SIPA1L1: variants seen among roughly 807,000 people sequenced by gnomAD.
SIPA1L1 encodes the protein signal induced proliferation associated 1 like 1, also known as signal-induced proliferation-associated 1-like protein 1.
In SIPA1L1, 26 loss-of-function variants were observed where a neutral mutation model predicts 162.7. The ratio of observed to expected loss-of-function variants is 0.16; its 90% confidence interval spans 0.12 to 0.22. The LOEUF is 0.22. SIPA1L1 is among the 10% of genes least tolerant of loss of function. The pLI is 1.00. For missense variants in SIPA1L1, 1,874 were observed against 2,241.0 expected (o/e 0.84, Z 3.31); for synonymous variants, 829 against 837.4 (o/e 0.99, Z 0.17).
At chr14:71,536,139 G>T (rs1290182220) in intron 4 of SIPA1L1, among the ~76,000 whole-genome samples, 1 of 146,870 alleles carries the variant, frequency 6.8e-6, no homozygotes, top group Non-Finnish European at 1.5e-5. Context: ...AAAAAAAAAA[G>T]AGTCTGGCTT....
Position 71,459,948 on chromosome 14 carries a change from G to A in SIPA1L1, c.-464-52795G>A, listed in dbSNP as rs139108185. The stretch of plus-strand genomic sequence containing the variant: ...AAGACAATAATAAGGTCATAATTAC[G>A]CCTAACATAATACAACTGTCTTTTG... On this transcript the variant is annotated intron_variant, in intron 2 of 23. Transcript: ENST00000381232. 4.6e-3 allele frequency among the ~76,000 whole-genome samples: 699 copies of A among 152,138 alleles called. 18 individuals carry two copies. The East Asian group carries it at 0.071, about 16-fold the overall frequency.
At chr14:71,715,540 A>G (rs2083204787) in intron 17 of SIPA1L1, among the ~76,000 whole-genome samples, 1 of 152,266 alleles carries the variant, frequency 6.6e-6, no homozygotes. Flanking sequence ...TGTCATACAC[A>G]TTAGCATAGC....
intron 2 of SIPA1L1, among the ~76,000 whole-genome samples, chr14:71,387,248 C>CAAAAAAAAAAA (rs398025583): frequency 3.7e-5 from 2 of 53,862 alleles, no homozygotes; most frequent in African/African-American, 9.1e-5. Flanking sequence ...AACTCTGTCT[C>CAAAAAAAAAAA]AAAAAAAAAA....
intron 13 of SIPA1L1, among the ~76,000 whole-genome samples, chr14:71,688,373 C>T (rs933331252): frequency 6.6e-6 from 1 of 152,106 alleles, no homozygotes; most frequent in African/African-American, 2.4e-5. Flanking sequence ...CATTTCTGGT[C>T]CAAAGAATTT....
chr14:71,552,620 TCTC>T (rs994592725), intron 4 of SIPA1L1, among the ~76,000 whole-genome samples: 9 of 152,004 alleles, frequency 5.9e-5, no homozygotes, highest in Admixed American at 2.6e-4. Context: ...ATGGTCTCGA[TCTC>T]CTGACCTTGT....
intron 5 of SIPA1L1, among the ~76,000 whole-genome samples, chr14:71,592,023 A>G (rs1301323486): frequency 1.3e-5 from 2 of 152,298 alleles, no homozygotes; most frequent in Non-Finnish European, 1.5e-5. Flanking sequence ...TAAACAGCTC[A>G]CTCTTTGTCA....
Position 71,568,917 on chromosome 14 carries a change from G to T in SIPA1L1, c.-302-18654G>T, listed in dbSNP as rs189213449. Among the ~76,000 whole-genome samples the T allele has an allele frequency of 1.6e-4, 25 of 152,276 alleles. No individual in the cohort carries two copies. The East Asian group carries it at 4.6e-3, about 28-fold the overall frequency. On this transcript the variant is annotated intron_variant, in intron 4 of 23. Transcript: ENST00000381232. ...CATGGGATGGGAAGTTGATATTTTA[G>T]CTATATTCATAATGTTTCTTTCCTT... is the stretch of plus-strand genomic sequence containing the variant.
At chr14:71,634,649 T>C (rs1235872941) in intron 7 of SIPA1L1, among the ~76,000 whole-genome samples, 1 of 151,566 alleles carries the variant, frequency 6.6e-6, no homozygotes, top group African/African-American at 2.4e-5. Flanking sequence ...AAAAAGTAGC[T>C]AAGTTGGCCG....
intron 4 of SIPA1L1, among the ~76,000 whole-genome samples, chr14:71,537,639 G>A (rs2054019021): frequency 2.0e-5 from 3 of 151,972 alleles, no homozygotes; most frequent in Admixed American, 1.3e-4. Context: ...CATTCCTTCA[G>A]TGTGGGCGAG....
chr14:71,412,633 C>A (rs2042488626), intron 2 of SIPA1L1, among the ~76,000 whole-genome samples: 1 of 152,134 alleles, frequency 6.6e-6, no homozygotes, highest in African/African-American at 2.4e-5. Flanking sequence ...GGGTGATAGG[C>A]TGGGAAGAGG....
chr14:71,367,303 C>CTTTTTTTTT (rs148859626), intron 2 of SIPA1L1, among the ~76,000 whole-genome samples: 2 of 130,244 alleles, frequency 1.5e-5, no homozygotes, highest in African/African-American at 2.8e-5. Flanking sequence ...ACATTCATTG[C>CTTTTTTTTT]TTTTTTTTTT....
intron 10 of SIPA1L1, among the ~76,000 whole-genome samples, chr14:71,661,924 ATACTT>A: frequency 6.6e-6 from 1 of 152,340 alleles, no homozygotes; most frequent in Non-Finnish European, 1.5e-5. Flanking sequence ...AAACGCTTCT[ATACTT>A]TATTTAGCAT....
chr14:71,424,911 A>AT (rs893849770), intron 2 of SIPA1L1, among the ~76,000 whole-genome samples: 10 of 151,450 alleles, frequency 6.6e-5, no homozygotes, highest in Non-Finnish European at 1.3e-4. Context: ...TTTTTGAGAG[A>AT]TTTTTTTTAT....
chr14:71,710,218 G>A (rs6574017), intron 17 of SIPA1L1, among the ~76,000 whole-genome samples: 63,535 of 151,996 alleles, frequency 0.42, 13,700 homozygotes, highest in East Asian at 0.56. Flanking sequence ...CAATAGAAAC[G>A]TGTAGCTAAA....
intron 2 of SIPA1L1, among the ~76,000 whole-genome samples, chr14:71,358,281 C>G (rs2037464142): frequency 6.6e-6 from 1 of 152,136 alleles, no homozygotes; most frequent in South Asian, 2.1e-4. Context: ...AAAAACACAC[C>G]AAGCATACCT....
intron 4 of SIPA1L1, among the ~76,000 whole-genome samples, chr14:71,537,811 TGA>T (rs1463297726): frequency 6.6e-6 from 1 of 151,624 alleles, no homozygotes; most frequent in Non-Finnish European, 1.5e-5. Flanking sequence ...GGGAAGAAAA[TGA>T]GAGAGAAAAA....
At chr14:71,675,624 A>G (rs994635593) in intron 12 of SIPA1L1, among the ~76,000 whole-genome samples, 3 of 152,220 alleles carry the variant, frequency 2.0e-5, no homozygotes, top group African/African-American at 7.2e-5. Context: ...TCCGCACTTC[A>G]CACTCCCACT....
chr14:71,354,568 C>T (rs1419048683), intron 2 of SIPA1L1, among the ~76,000 whole-genome samples: 2 of 151,002 alleles, frequency 1.3e-5, no homozygotes, highest in African/African-American at 2.4e-5. Context: ...TGAGCCACCG[C>T]GCCTGGCCCG....
chr14:71,335,892 A>G (rs895068905), intron 2 of SIPA1L1, among the ~76,000 whole-genome samples: 14 of 152,238 alleles, frequency 9.2e-5, no homozygotes, highest in Non-Finnish European at 1.8e-4. Context: ...ATAATTGTTC[A>G]TAATTGTTGA....
Sources: gnomAD v4.1 joint callset for allele counts (sites outside exome capture counted in the v4.1 genomes callset) on GRCh38, gnomAD v4.1.1 for gene constraint, MANE v1.5 for transcripts, NCBI Gene and HGNC (gene_info 2026-07-23, HGNC 2026-07-21) for gene names.